Variants in PTPRD observed in about 807,000 individuals in gnomAD.
PTPRD encodes the protein receptor-type tyrosine-protein phosphatase delta.
PTPRD carries 34 observed loss-of-function variants against 214.5 expected under a neutral mutation model. The observed-to-expected ratio is 0.16, with a 90% CI of 0.12 to 0.21. PTPRD has a LOEUF of 0.21. Ranked by LOEUF, PTPRD falls within the 10% of genes least tolerant of loss-of-function variation. The probability of loss-of-function intolerance (pLI) is 1.00; values close to 1 mark genes in which losing one functional copy is unlikely to be tolerated. For missense variants in PTPRD, 2,545 were observed against 2,398.7 expected (o/e 1.06, Z -1.27); for synonymous variants, 1,128 against 845.7 (o/e 1.33, Z -5.79).
chr9:9,948,834 G>C (rs1366328710), intron 4 of PTPRD, among the ~76,000 whole-genome samples: 2 of 151,976 alleles, frequency 1.3e-5, no homozygotes, highest in East Asian at 1.9e-4. Flanking sequence ...AGATTGAGTA[G>C]AGACAAATTT....
intron 3 of PTPRD, among the ~76,000 whole-genome samples, chr9:10,058,441 T>C (rs2097699050): frequency 6.6e-6 from 1 of 152,092 alleles, no homozygotes; most frequent in Non-Finnish European, 1.5e-5. Flanking sequence ...TATCAAAATG[T>C]ATACTCCAGA....
At chr9:10,432,397 T>C (rs1259532983) in intron 2 of PTPRD, among the ~76,000 whole-genome samples, 1 of 151,618 alleles carries the variant, frequency 6.6e-6, no homozygotes, top group Non-Finnish European at 1.5e-5. Context: ...GTAACTAACC[T>C]GCACAATGTG....
intron 36 of PTPRD, among the ~76,000 whole-genome samples, chr9:8,400,477 A>C (rs1387430943): frequency 6.6e-6 from 1 of 152,214 alleles, no homozygotes; most frequent in African/African-American, 2.4e-5. Flanking sequence ...TAAAATAGGA[A>C]ATGAGATAGG....
At chr9:10,449,534 C>T (rs1401673723) in intron 2 of PTPRD, among the ~76,000 whole-genome samples, 2 of 151,418 alleles carry the variant, frequency 1.3e-5, no homozygotes, top group Non-Finnish European at 2.9e-5. Flanking sequence ...TCTGCCCAGC[C>T]ACCCAGTCTG....
At chr9:8,595,964 A>G (rs1265308022) in intron 14 of PTPRD, among the ~76,000 whole-genome samples, 1 of 152,180 alleles carries the variant, frequency 6.6e-6, no homozygotes, top group East Asian at 1.9e-4. Flanking sequence ...TATCGCTACA[A>G]ATCATAGGTT....
At chr9:9,320,695 C>T (rs1966053294) in intron 9 of PTPRD, among the ~76,000 whole-genome samples, 1 of 152,120 alleles carries the variant, frequency 6.6e-6, no homozygotes, top group Non-Finnish European at 1.5e-5. Flanking sequence ...AGTCTAAACT[C>T]CTCTTAGTTT....
chr9:10,338,436 G>C (rs957233011), intron 3 of PTPRD, among the ~76,000 whole-genome samples: 2 of 151,754 alleles, frequency 1.3e-5, no homozygotes, highest in African/African-American at 4.8e-5. Flanking sequence ...TCAGTTACAA[G>C]CCAATAATGC....
intron 11 of PTPRD, among the ~76,000 whole-genome samples, chr9:8,891,562 T>C (rs934640195): frequency 1.3e-5 from 2 of 152,070 alleles, no homozygotes; most frequent in African/African-American, 4.8e-5. Flanking sequence ...TACAATTTGA[T>C]ACAAAATTAG....
chr9:10,425,095 C>T (rs2098600177), intron 2 of PTPRD, among the ~76,000 whole-genome samples: 2 of 151,754 alleles, frequency 1.3e-5, no homozygotes, highest in African/African-American at 4.8e-5. Flanking sequence ...TAAAAAGAAA[C>T]AGGATTTTAA....
intron 3 of PTPRD, among the ~76,000 whole-genome samples, chr9:10,205,366 TCTTTA>T (rs1367405585): frequency 7.4e-5 from 11 of 147,790 alleles, no homozygotes; most frequent in African/African-American, 1.0e-4. Context: ...TTCTTCTTCT[TCTTTA>T]TTTTATTTTA....
At chr9:9,548,444 G>A (rs1591336501) in intron 8 of PTPRD, among the ~76,000 whole-genome samples, 1 of 108,352 alleles carries the variant, frequency 9.2e-6, no homozygotes, top group Admixed American at 1.2e-4. Context: ...GTCTCGCTTT[G>A]TCATCCAGGC....
At chr9:8,881,137 C>T (rs1028008968) in intron 11 of PTPRD, among the ~76,000 whole-genome samples, 1 of 152,080 alleles carries the variant, frequency 6.6e-6, no homozygotes, top group African/African-American at 2.4e-5. Flanking sequence ...TACATTCTGC[C>T]TATAATATTT....
At chr9:9,472,021 T>C (rs371306274) in intron 8 of PTPRD, among the ~76,000 whole-genome samples, 2 of 152,144 alleles carry the variant, frequency 1.3e-5, no homozygotes, top group Non-Finnish European at 1.5e-5. Context: ...TACCTACTTA[T>C]GTATCAAATA....
chr9:9,423,303 A>C (rs1377776012), intron 8 of PTPRD, among the ~76,000 whole-genome samples: 1 of 152,148 alleles, frequency 6.6e-6, no homozygotes, highest in African/African-American at 2.4e-5. Flanking sequence ...ATAATCACAG[A>C]ATAAGAGACC....
chr9:9,075,363 C>T (rs561161904), intron 10 of PTPRD, among the ~76,000 whole-genome samples: 9 of 151,930 alleles, frequency 5.9e-5, no homozygotes, highest in African/African-American at 1.9e-4. Flanking sequence ...GTAATCACCC[C>T]GTTGTACTTT....
intron 7 of PTPRD, among the ~76,000 whole-genome samples, chr9:9,641,276 T>C (rs1473903524): frequency 3.9e-5 from 6 of 152,212 alleles, no homozygotes; most frequent in African/African-American, 1.4e-4. Context: ...ATGCCTTTCA[T>C]CAGCTGAAAA....
intron 8 of PTPRD, among the ~76,000 whole-genome samples, chr9:9,555,160 T>C (rs898134181): frequency 6.6e-6 from 1 of 152,138 alleles, no homozygotes; most frequent in African/African-American, 2.4e-5. Flanking sequence ...AACATGTATG[T>C]ATTATGAATA....
intron 5 of PTPRD, among the ~76,000 whole-genome samples, chr9:9,821,540 G>T (rs947462631): frequency 6.6e-6 from 1 of 152,122 alleles, no homozygotes; most frequent in African/African-American, 2.4e-5. Context: ...AGGCTGAAGA[G>T]AAAATATATA....
At chr9:10,399,618 A>C (rs534842525) in intron 2 of PTPRD, among the ~76,000 whole-genome samples, 19 of 152,050 alleles carry the variant, frequency 1.2e-4, no homozygotes, top group African/African-American at 4.6e-4. Context: ...TATGAGGGGC[A>C]TAAGAGGACA....
Sources: gnomAD v4.1 joint callset for allele counts (sites outside exome capture counted in the v4.1 genomes callset) on GRCh38, gnomAD v4.1.1 for gene constraint, MANE v1.5 for transcripts, NCBI Gene and HGNC (gene_info 2026-07-23, HGNC 2026-07-21) for gene names.